GRIN2A: variants seen among roughly 807,000 people sequenced by gnomAD.
The protein encoded by GRIN2A is glutamate ionotropic receptor NMDA type subunit 2A, also known as glutamate receptor ionotropic, NMDA 2A.
GRIN2A carries 22 observed loss-of-function variants against 113.4 expected under a neutral mutation model. The observed-to-expected ratio is 0.19, with a 90% CI of 0.14 to 0.28. The LOEUF is 0.28. Among genes scored for constraint, GRIN2A ranks in the 10% least tolerant of loss-of-function variants. The pLI is 1.00. For synonymous variants in GRIN2A, 827 were observed against 738.4 expected (o/e 1.12, Z -1.94); for missense variants, 1,502 against 1,887.0 (o/e 0.80, Z 3.78).
intron 7 of GRIN2A, among the ~76,000 whole-genome samples, chr16:9,834,621 A>T (rs563669774): frequency 6.6e-6 from 1 of 152,260 alleles, no homozygotes; most frequent in Admixed American, 6.5e-5. Context: ...ACCTCAGGTG[A>T]TCTGCCCACC....
intron 5 of GRIN2A, among the ~76,000 whole-genome samples, chr16:9,844,664 C>G (rs1354370936): frequency 6.6e-6 from 1 of 152,146 alleles, no homozygotes; most frequent in Non-Finnish European, 1.5e-5. Flanking sequence ...CACAGCCATG[C>G]GAGTCAGAGC....
At position 9,840,930 on chromosome 16, in the gene GRIN2A, A is replaced by G. The variant is rs1416260718; in HGVS notation, c.1497+6T>C. 1 of 1,613,654 alleles carries G rather than the reference A, an allele frequency of 6.2e-7. No homozygotes were observed. The highest frequency in any genetic ancestry group is 1.7e-5 in the Admixed American group (1 of 60,000). ...TAAGAGCCTAGGGGATGAAAAGATA[A>G]CTTACTTCACCGATCATTCCATTCC... On this transcript the variant is annotated splice_donor_region_variant and intron_variant, in intron 6 of 12. Coordinates refer to ENST00000330684, the MANE Select transcript of GRIN2A (RefSeq NM_001134407.3).
At position 9,938,132 on chromosome 16, in the gene GRIN2A, A is replaced by G; in HGVS notation, c.834T>C (p.Ser278=). The G allele has an allele frequency of 3.1e-6, 5 of 1,614,132 alleles. No individual in the cohort carries two copies. The highest frequency in any genetic ancestry group is 4.2e-6 in the Non-Finnish European group (5 of 1,179,998). The change falls in exon 3 of 13, where the codon TCT becomes TCC. Residue 278 remains serine (S), a synonymous_variant. Transcript: ENST00000330684. The part of the protein sequence containing the change: ...IPKEFPSGLI[S]VSYDDWDYSL... ...TGTAGTCCCAGTCATCGTAGGAGACAGAAATGAGTCCCGATGGAAACTCTT... is the reference window on the plus strand; with the variant it reads ...TGTAGTCCCAGTCATCGTAGGAGACGGAAATGAGTCCCGATGGAAACTCTT...
intron 11 of GRIN2A, among the ~76,000 whole-genome samples, chr16:9,772,051 G>A (rs549710949): frequency 1.8e-4 from 27 of 152,132 alleles, no homozygotes; most frequent in African/African-American, 6.5e-4. Context: ...AAAAAAATAG[G>A]AAATCCATCC....
intron 9 of GRIN2A, among the ~76,000 whole-genome samples, chr16:9,824,724 G>A (rs144822620): frequency 1.3e-5 from 2 of 152,224 alleles, no homozygotes; most frequent in African/African-American, 4.8e-5. Flanking sequence ...CCATGCACAT[G>A]TGTGAAATTT....
chr16:9,992,793 T>C (rs531018955), intron 2 of GRIN2A, among the ~76,000 whole-genome samples: 2 of 152,202 alleles, frequency 1.3e-5, no homozygotes, highest in African/African-American at 2.4e-5. Flanking sequence ...TACTCGGCTA[T>C]GTAAATCGGT....
intron 2 of GRIN2A, among the ~76,000 whole-genome samples, chr16:9,939,495 C>G (rs28427191): frequency 2.0e-5 from 3 of 152,134 alleles, no homozygotes; most frequent in Non-Finnish European, 4.4e-5. Context: ...CCTCTATTAG[C>G]CCTAACATCT....
chr16:10,112,624 C>A, intron 2 of GRIN2A: 1 of 768,530 alleles, frequency 1.3e-6, no homozygotes. Context: ...GGCATGGGCT[C>A]GCTAGATGCC....
intron 2 of GRIN2A, among the ~76,000 whole-genome samples, chr16:10,017,830 C>A (rs187890341): frequency 6.9e-5 from 6 of 86,346 alleles, no homozygotes; most frequent in African/African-American, 2.3e-4. Flanking sequence ...AAAAATGATG[C>A]AAAACAAATC....
chr16:10,021,468 C>T (rs1463006604), intron 2 of GRIN2A, among the ~76,000 whole-genome samples: 9 of 152,174 alleles, frequency 5.9e-5, no homozygotes, highest in Non-Finnish European at 7.3e-5. Context: ...ACCGCAGACT[C>T]CAAGCTCTTC....
chr16:10,152,565 G>A (rs950209529), intron 2 of GRIN2A, among the ~76,000 whole-genome samples: 1 of 152,116 alleles, frequency 6.6e-6, no homozygotes, highest in Admixed American at 6.6e-5. Context: ...AGCCTCAGCT[G>A]ATTTTTCTCT....
intron 2 of GRIN2A, among the ~76,000 whole-genome samples, chr16:10,122,982 A>G (rs1596529762): frequency 6.6e-6 from 1 of 152,232 alleles, no homozygotes; most frequent in South Asian, 2.1e-4. Flanking sequence ...TGTCTAAGAA[A>G]GCAGCCATGA....
At chr16:10,068,893 T>C (rs55716879) in intron 2 of GRIN2A, among the ~76,000 whole-genome samples, 5,725 of 151,922 alleles carry the variant, frequency 0.038, 397 homozygotes, top group African/African-American at 0.13. Context: ...GAGAACCAAA[T>C]ACACAAAGAC....
intron 11 of GRIN2A, among the ~76,000 whole-genome samples, chr16:9,777,708 AT>A (rs1208136072): frequency 6.6e-6 from 1 of 152,192 alleles, no homozygotes; most frequent in Non-Finnish European, 1.5e-5. Context: ...AGGCCACGTG[AT>A]TAGTCGCACA....
chr16:10,080,180 G>T (rs1435911683), intron 2 of GRIN2A, among the ~76,000 whole-genome samples: 1 of 152,202 alleles, frequency 6.6e-6, no homozygotes, highest in Non-Finnish European at 1.5e-5. Context: ...ACTGAGATCT[G>T]ATTTGCCTCT....
chr16:10,126,058 G>A (rs932763209), intron 2 of GRIN2A, among the ~76,000 whole-genome samples: 6 of 151,984 alleles, frequency 3.9e-5, no homozygotes, highest in Non-Finnish European at 1.5e-5. Flanking sequence ...CCTTCCAACT[G>A]CACTGTTTTG....
intron 3 of GRIN2A, among the ~76,000 whole-genome samples, chr16:9,924,118 A>C (rs926180040): frequency 2.4e-4 from 36 of 150,474 alleles, no homozygotes; most frequent in South Asian, 4.2e-4. Context: ...CTCAAAAAAA[A>C]AAAAAAAAAA....
chr16:10,039,835 G>GAGAGAGAGAGAGAGAGAGAGAGAGAGA (rs1399410843), intron 2 of GRIN2A, among the ~76,000 whole-genome samples: 5 of 137,874 alleles, frequency 3.6e-5, no homozygotes, highest in Non-Finnish European at 6.4e-5. Context: ...GAGAGAGAGA[G>GAGAGAGAGAGAGAGAGAGAGAGAGAGA]GAGTCCTGGT....
At chr16:10,067,365 C>T (rs1206987406) in intron 2 of GRIN2A, among the ~76,000 whole-genome samples, 1 of 152,044 alleles carries the variant, frequency 6.6e-6, no homozygotes, top group Non-Finnish European at 1.5e-5. Flanking sequence ...CAAGTTATCT[C>T]CCCGTAAACA....
Sources: allele counts gnomAD v4.1 joint callset (sites outside exome capture counted in the v4.1 genomes callset), GRCh38; gene constraint gnomAD v4.1.1; transcripts MANE v1.5; gene names NCBI Gene and HGNC (gene_info 2026-07-23, HGNC 2026-07-21).